The following PANX1 variants were observed in gnomAD, a reference collection of about 807,000 sequenced individuals.
The protein encoded by PANX1 is pannexin-1.
PANX1 carries 30 observed loss-of-function variants against 38.7 expected under a neutral mutation model. The observed-to-expected ratio is 0.78, with a 90% CI of 0.58 to 1.05. The LOEUF (loss-of-function observed/expected upper bound fraction) is 1.05. Among genes scored for constraint, PANX1 ranks in the 50% least tolerant of loss-of-function variants. PANX1 has a pLI of 0.00. For synonymous variants in PANX1, 230 were observed against 212.2 expected (o/e 1.08, Z -0.73); for missense variants, 551 against 517.2 (o/e 1.07, Z -0.63).
chr11:94,129,177 G>A lies in PANX1; in HGVS notation c.-136G>A, dbSNP rs960251254. 7.7e-6 allele frequency: 5 copies of A among 652,556 alleles called. No individual in the cohort carries two copies. Among genetic ancestry groups the A allele is most frequent in the Non-Finnish European group, 1.2e-5 (5 of 400,014 alleles). The allele number at this position is 652,556 out of a possible 1,614,324, so 40.4% of individuals were successfully genotyped here. A position where few individuals can be genotyped will look rare whatever the true frequency, so the allele number is the denominator to read the frequency against. On this transcript the variant is annotated 5_prime_UTR_variant, in exon 1 of 5. Coordinates refer to ENST00000227638, the MANE Select transcript of PANX1 (RefSeq NM_015368.4). ...GGAGCCTGAGGCACCGAGACACAAA[G>A]GCAGGCGGGATGCGGGAGCAGGCAA...
At chr11:94,131,573 T>G (rs4753541) in intron 1 of PANX1, among the ~76,000 whole-genome samples, 95,871 of 152,076 alleles carry the variant, frequency 0.63, 30,345 homozygotes, top group Admixed American at 0.75. Flanking sequence ...AGCTCCAGGC[T>G]GGTGAAGGTT....
At chr11:94,143,666 GAATA>G in intron 1 of PANX1, among the ~76,000 whole-genome samples, 1 of 151,860 alleles carries the variant, frequency 6.6e-6, no homozygotes, top group Non-Finnish European at 1.5e-5. Flanking sequence ...CAACATTCAG[GAATA>G]AAGACTCCAG....
rs1234025755 is a variant in PANX1, at chr11:94,178,368, G to GT, written c.326dup (p.Tyr111LeufsTer37). 6.2e-7 allele frequency: 1 copy of GT among 1,613,156 alleles called. No homozygotes were observed. The highest frequency in any genetic ancestry group is 1.7e-5 in the Admixed American group (1 of 60,016). On this transcript the variant is annotated frameshift_variant and splice_region_variant. Transcript: ENST00000227638. LOFTEE classifies it high-confidence loss of function. Reference sequence around the variant, plus strand: ...CCATGATTTGTTCTCTTGTTTTTCAGTTTTTCCCCTACATCCTGCTGCTCT... The same window carrying GT: ...CCATGATTTGTTCTCTTGTTTTTCAGTTTTTTCCCCTACATCCTGCTGCTCT...
At chr11:94,129,755 A>G (rs1329709493) in intron 1 of PANX1, among the ~76,000 whole-genome samples, 1 of 152,062 alleles carries the variant, frequency 6.6e-6, no homozygotes, top group Non-Finnish European at 1.5e-5. Flanking sequence ...CTTATAGTTT[A>G]TGTTCCACCC....
intron 2 of PANX1, among the ~76,000 whole-genome samples, chr11:94,160,841 A>T (rs896104474): frequency 6.6e-6 from 1 of 151,986 alleles, no homozygotes; most frequent in Non-Finnish European, 1.5e-5. Context: ...AGAATTTGGC[A>T]TTTTTTTGCA....
intron 2 of PANX1, among the ~76,000 whole-genome samples, chr11:94,159,771 T>C (rs963158694): frequency 2.6e-5 from 4 of 151,876 alleles, no homozygotes; most frequent in African/African-American, 4.8e-5. Flanking sequence ...TTCTGCTTGC[T>C]TTTGAATGTG....
chr11:94,148,773 A>G (rs762086695), intron 1 of PANX1, among the ~76,000 whole-genome samples: 9 of 152,186 alleles, frequency 5.9e-5, no homozygotes, highest in Non-Finnish European at 1.2e-4. Flanking sequence ...TCATGTGTAT[A>G]TGCTAATGAT....
At chr11:94,139,171 C>G (rs369802830) in intron 1 of PANX1, among the ~76,000 whole-genome samples, 1 of 152,138 alleles carries the variant, frequency 6.6e-6, no homozygotes, top group Non-Finnish European at 1.5e-5. Flanking sequence ...AAATACCAGA[C>G]CATCCATTTT....
At chr11:94,131,297 A>G (rs993433404) in intron 1 of PANX1, among the ~76,000 whole-genome samples, 3 of 152,218 alleles carry the variant, frequency 2.0e-5, no homozygotes, top group Non-Finnish European at 4.4e-5. Context: ...GTAATGCCTT[A>G]GATACGTCTA....
At chr11:94,146,444 C>T (rs1171570798) in intron 1 of PANX1, among the ~76,000 whole-genome samples, 1 of 152,214 alleles carries the variant, frequency 6.6e-6, no homozygotes, top group East Asian at 1.9e-4. Context: ...GCGAGGATCC[C>T]TCCACAGACC....
chr11:94,172,388 A>G (rs1282386865), intron 2 of PANX1, among the ~76,000 whole-genome samples: 1 of 151,732 alleles, frequency 6.6e-6, no homozygotes, highest in Non-Finnish European at 1.5e-5. Context: ...TCTGATAGGG[A>G]CCTGCAATTC....
At chr11:94,165,449 T>C (rs992210219) in intron 2 of PANX1, among the ~76,000 whole-genome samples, 6 of 152,128 alleles carry the variant, frequency 3.9e-5, no homozygotes, top group Admixed American at 2.6e-4. Context: ...AATGACAGGA[T>C]CAAATTCACA....
rs554719269 is a variant in PANX1 at position 94,141,823 on chromosome 11, T to C, written c.182-11668T>C. ...AGTGCCTAGCCTCCTTGTCAGTAAA[T>C]GGGGCAGTAATAGAATTCTCACCTG... On this transcript the variant is annotated intron_variant, in intron 1 of 4. Coordinates refer to ENST00000227638, the MANE Select transcript of PANX1 (RefSeq NM_015368.4). 3.3e-5 allele frequency among the ~76,000 whole-genome samples: 5 copies of C among 152,202 alleles called. No homozygotes were observed. In the South Asian group the frequency reaches 8.3e-4, roughly 25 times the overall value.
At chr11:94,167,491 A>G (rs1203333307) in intron 2 of PANX1, among the ~76,000 whole-genome samples, 2 of 152,210 alleles carry the variant, frequency 1.3e-5, no homozygotes, top group African/African-American at 2.4e-5. Context: ...TTTTTCACAT[A>G]TGATATTCAG....
At chr11:94,159,744 G>T (rs2134502441) in intron 2 of PANX1, among the ~76,000 whole-genome samples, 1 of 151,678 alleles carries the variant, frequency 6.6e-6, no homozygotes, top group Middle Eastern at 3.4e-3. Context: ...CTGCCCTGAT[G>T]TTAGTTATTT....
intron 1 of PANX1, among the ~76,000 whole-genome samples, chr11:94,142,581 C>A (rs1349762204): frequency 6.6e-6 from 1 of 152,182 alleles, no homozygotes; most frequent in Non-Finnish European, 1.5e-5. Context: ...CCTTTGAGTA[C>A]GAACATTTGT....
At chr11:94,163,348 C>T (rs952790410) in intron 2 of PANX1, among the ~76,000 whole-genome samples, 1 of 152,166 alleles carries the variant, frequency 6.6e-6, no homozygotes, top group Non-Finnish European at 1.5e-5. Flanking sequence ...CTTTGTGACA[C>T]TAGCTGTGGG....
At chr11:94,162,659 C>A (rs113340307) in intron 2 of PANX1, among the ~76,000 whole-genome samples, 1 of 152,108 alleles carries the variant, frequency 6.6e-6, no homozygotes, top group Non-Finnish European at 1.5e-5. Flanking sequence ...TGACCCCTTG[C>A]GCTTCCCGGG....
At chr11:94,172,720 C>T (rs1947182508) in intron 2 of PANX1, among the ~76,000 whole-genome samples, 1 of 151,724 alleles carries the variant, frequency 6.6e-6, no homozygotes, top group Non-Finnish European at 1.5e-5. Flanking sequence ...ATCTGGAATA[C>T]TCAAGCTCTC....
Sources: gnomAD v4.1 joint callset for allele counts (sites outside exome capture counted in the v4.1 genomes callset) on GRCh38, gnomAD v4.1.1 for gene constraint, MANE v1.5 for transcripts, NCBI Gene and HGNC (gene_info 2026-07-23, HGNC 2026-07-21) for gene names.